TBC1D5: variants seen among roughly 807,000 people sequenced by gnomAD.
TBC1D5 encodes TBC1 domain family, member 5.
TBC1D5 carries 75 observed loss-of-function variants against 100.3 expected under a neutral mutation model. The observed-to-expected ratio is 0.75, with a 90% CI of 0.62 to 0.91. TBC1D5 has a LOEUF of 0.91. Ranked by LOEUF, TBC1D5 falls within the 40% of genes least tolerant of loss-of-function variation. The pLI, the probability that TBC1D5 is intolerant of heterozygous loss-of-function variation, is 0.00. For missense variants in TBC1D5, 910 were observed against 942.4 expected (o/e 0.97, Z 0.45); for synonymous variants, 323 against 325.6 (o/e 0.99, Z 0.09).
At chr3:17,205,489 T>C (rs2072043595) in intron 18 of TBC1D5, among the ~76,000 whole-genome samples, 1 of 152,196 alleles carries the variant, frequency 6.6e-6, no homozygotes, top group Non-Finnish European at 1.5e-5. Context: ...CAGTAAAATA[T>C]GACTGATGAC....
At chr3:17,440,134 C>A (rs943809935) in intron 3 of TBC1D5, among the ~76,000 whole-genome samples, 6 of 152,164 alleles carry the variant, frequency 3.9e-5, no homozygotes, top group Non-Finnish European at 7.3e-5. Flanking sequence ...AGCAGAGGGA[C>A]AGCCAAAGCA....
chr3:17,706,411 T>C (rs971982753), intron 1 of TBC1D5, among the ~76,000 whole-genome samples: 1 of 138,228 alleles, frequency 7.2e-6, no homozygotes, highest in Non-Finnish European at 1.5e-5. Flanking sequence ...TCTCCTAGAA[T>C]CAACTTTACT....
intron 3 of TBC1D5, among the ~76,000 whole-genome samples, chr3:17,446,855 C>T (rs368783344): frequency 5.3e-5 from 8 of 151,974 alleles, no homozygotes; most frequent in African/African-American, 1.7e-4. Flanking sequence ...CCTGTAGTCC[C>T]ACCTACTTGG....
chr3:17,189,500 G>C (rs2069594351), intron 18 of TBC1D5, among the ~76,000 whole-genome samples: 1 of 152,190 alleles, frequency 6.6e-6, no homozygotes, highest in Non-Finnish European at 1.5e-5. Flanking sequence ...TCTATAAGAA[G>C]AGAAAAATAA....
At chr3:17,255,477 G>C (rs2077557488) in intron 16 of TBC1D5, among the ~76,000 whole-genome samples, 1 of 152,092 alleles carries the variant, frequency 6.6e-6, no homozygotes, top group Admixed American at 6.5e-5. Context: ...TGGGATTACA[G>C]GTGTGAGCCA....
chr3:17,646,582 C>T (rs865934832), intron 1 of TBC1D5, among the ~76,000 whole-genome samples: 1 of 152,080 alleles, frequency 6.6e-6, no homozygotes, highest in Non-Finnish European at 1.5e-5. Flanking sequence ...TCGATCTTTC[C>T]ATTTTTACAT....
At chr3:17,497,826 G>T (rs1382303576) in intron 3 of TBC1D5, among the ~76,000 whole-genome samples, 2 of 152,154 alleles carry the variant, frequency 1.3e-5, no homozygotes, top group East Asian at 3.8e-4. Flanking sequence ...TCTCTGACTT[G>T]AGTGAGTAAA....
intron 3 of TBC1D5, among the ~76,000 whole-genome samples, chr3:17,448,801 C>G (rs2094857531): frequency 6.6e-6 from 1 of 152,086 alleles, no homozygotes; most frequent in Non-Finnish European, 1.5e-5. Context: ...TCTTAAGGGC[C>G]CTAGGATCCT....
chr3:17,265,405 G>T (rs1206866708), intron 15 of TBC1D5, among the ~76,000 whole-genome samples: 1 of 152,026 alleles, frequency 6.6e-6, no homozygotes, highest in Non-Finnish European at 1.5e-5. Flanking sequence ...TTTATAGCAT[G>T]CTAGATTACA....
intron 13 of TBC1D5, among the ~76,000 whole-genome samples, chr3:17,364,816 C>T (rs1575538825): frequency 6.6e-6 from 1 of 151,984 alleles, no homozygotes; most frequent in African/African-American, 2.4e-5. Flanking sequence ...TATTAATAGC[C>T]AGGAATTTTG....
chr3:17,439,316 G>A (rs776087720), intron 3 of TBC1D5, among the ~76,000 whole-genome samples: 2 of 152,124 alleles, frequency 1.3e-5, no homozygotes, highest in Non-Finnish European at 2.9e-5. Context: ...GTGAACCAGG[G>A]TAGCTGATCC....
chr3:17,218,802 A>G (rs890465809), intron 17 of TBC1D5, among the ~76,000 whole-genome samples: 1 of 152,000 alleles, frequency 6.6e-6, no homozygotes, highest in African/African-American at 2.4e-5. Context: ...CTTGTATATC[A>G]TGAGCTGTTC....
chr3:17,595,919 C>T (rs920530864), intron 2 of TBC1D5, among the ~76,000 whole-genome samples: 8 of 152,168 alleles, frequency 5.3e-5, no homozygotes, highest in Non-Finnish European at 1.0e-4. Context: ...AGTGAAGATT[C>T]TGACACGATA....
intron 17 of TBC1D5, among the ~76,000 whole-genome samples, chr3:17,218,950 A>G (rs945824194): frequency 7.2e-5 from 11 of 151,872 alleles, no homozygotes; most frequent in Admixed American, 2.0e-4. Context: ...CTTTTCATAA[A>G]AATTGTGAAA....
intron 3 of TBC1D5, among the ~76,000 whole-genome samples, chr3:17,461,170 T>C (rs2095201212): frequency 1.3e-5 from 2 of 152,222 alleles, no homozygotes; most frequent in South Asian, 4.1e-4. Context: ...TAGTTTATGG[T>C]ACGTATTACT....
chr3:17,694,662 GA>G (rs372265501), intron 1 of TBC1D5, among the ~76,000 whole-genome samples: 398 of 152,290 alleles, frequency 2.6e-3, no homozygotes, highest in African/African-American at 9.2e-3. Context: ...ACCCAAGTTG[GA>G]AAACAGTCTT....
At chr3:17,639,328 A>C (rs1367131235) in intron 1 of TBC1D5, among the ~76,000 whole-genome samples, 1 of 152,128 alleles carries the variant, frequency 6.6e-6, no homozygotes, top group African/African-American at 2.4e-5. Context: ...GCAAAGCTAT[A>C]AACACTAAAA....
At chr3:17,353,919 T>C (rs1441641514) in intron 13 of TBC1D5, among the ~76,000 whole-genome samples, 1 of 152,140 alleles carries the variant, frequency 6.6e-6, no homozygotes, top group Non-Finnish European at 1.5e-5. Flanking sequence ...ATGTTGCCTA[T>C]GCTTGTTTCC....
At chr3:17,238,173 T>C (rs756559852) in exon 17 of TBC1D5, 5 of 1,613,360 alleles carry the variant, frequency 3.1e-6, no homozygotes, top group East Asian at 4.5e-5. Context: ...CTTTGTTCAA[T>C]TGCACAGGCA....
Sources: gnomAD v4.1 joint callset for allele counts (sites outside exome capture counted in the v4.1 genomes callset) on GRCh38, gnomAD v4.1.1 for gene constraint, MANE v1.5 for transcripts, NCBI Gene and HGNC (gene_info 2026-07-23, HGNC 2026-07-21) for gene names.